The following MSTO1 variants were observed in gnomAD, a reference collection of about 807,000 sequenced individuals.
MSTO1 encodes the protein protein misato homolog 1.
Under a neutral mutation model 55.7 loss-of-function variants are expected in MSTO1, and 24 were observed. The ratio of observed to expected loss-of-function variants is 0.43; its 90% CI spans 0.31 to 0.61. MSTO1 has a LOEUF of 0.61. Among genes scored for constraint, MSTO1 ranks in the 20% least tolerant of loss-of-function variants. The probability of loss-of-function intolerance (pLI) is 0.09; values close to 1 mark genes in which losing one functional copy is unlikely to be tolerated. For missense variants in MSTO1, 363 were observed against 625.7 expected, an observed-to-expected ratio of 0.58 and a Z score of 4.48; for synonymous variants, 162 against 252.8, an observed-to-expected ratio of 0.64 and a Z score of 3.41.
At chr1:155,598,333 T>A in the MSTO1 span, among the ~76,000 whole-genome samples, 5 of 152,162 alleles carry the variant, frequency 3.3e-5, no homozygotes, top group East Asian at 9.6e-4. Context: ...CAGGCTGTTC[T>A]CGAACTTCTG....
chr1:155,578,190 A>G, the MSTO1 span, among the ~76,000 whole-genome samples: 1 of 151,986 alleles, frequency 6.6e-6, no homozygotes, highest in Non-Finnish European at 1.5e-5. Flanking sequence ...TGGAAATATA[A>G]TATCCTAAAT....
At chr1:155,599,956 T>C in the MSTO1 span, among the ~76,000 whole-genome samples, 33 of 152,372 alleles carry the variant, frequency 2.2e-4, 2 homozygotes, top group South Asian at 5.0e-3. Flanking sequence ...GTAGATGGAA[T>C]GTACAATCGG....
the MSTO1 span, among the ~76,000 whole-genome samples, chr1:155,585,522 C>CAAA: frequency 7.0e-5 from 4 of 56,886 alleles, no homozygotes; most frequent in Middle Eastern, 0.028. Context: ...GACTCCGTCT[C>CAAA]AAAAAAAAAA....
chr1:155,598,138 A>G, the MSTO1 span, among the ~76,000 whole-genome samples: 1 of 149,692 alleles, frequency 6.7e-6, no homozygotes, highest in African/African-American at 2.5e-5. Flanking sequence ...TTTTTTTTAG[A>G]TGGAATTTCA....
At chr1:155,602,934 G>A in the MSTO1 span, among the ~76,000 whole-genome samples, 1 of 152,006 alleles carries the variant, frequency 6.6e-6, no homozygotes, top group Non-Finnish European at 1.5e-5. Flanking sequence ...CTAGACCAGG[G>A]GCCTTCAACT....
chr1:155,603,975 C>T, the MSTO1 span, among the ~76,000 whole-genome samples: 3 of 151,998 alleles, frequency 2.0e-5, no homozygotes, highest in Non-Finnish European at 4.4e-5. Flanking sequence ...CTTTTTAACC[C>T]AGGAAGACAG....
the MSTO1 span, among the ~76,000 whole-genome samples, chr1:155,597,638 T>C: frequency 6.7e-6 from 1 of 149,552 alleles, no homozygotes; most frequent in Non-Finnish European, 1.5e-5. Flanking sequence ...GCCGCCTGAG[T>C]AGCTGGGATT....
At position 155,611,814 on chromosome 1, in the gene MSTO1, TA is replaced by T. The variant is rs1407673343; in HGVS notation, c.548del (p.Tyr183SerfsTer20). 1.5e-6 allele frequency: 1 copy of T among 657,342 alleles called. No homozygotes were observed. The highest frequency in any genetic ancestry group is 2.3e-5 in the African/African-American group (1 of 44,016). The allele number at this position is 657,342 out of a possible 1,614,324, so 40.7% of individuals were successfully genotyped here. A position where few individuals can be genotyped will look rare whatever the true frequency, so the allele number is the denominator to read the frequency against. On this transcript the variant is annotated frameshift_variant, in exon 6 of 14. Coordinates refer to ENST00000245564, the MANE Select transcript of MSTO1 (RefSeq NM_018116.4). LOFTEE classifies it high-confidence loss of function. Reference protein sequence around the residue: ...HPRSICMIQKYNHDGEAGRLE... With the variant: ...HPRSICMIQKXNHDGEAGRLE... ...CCGGAGCATCTGTATGATTCAGAAG[TA>T]CAACCACGATGGGTATGGGGACCCC...
chr1:155,596,845 G>A, the MSTO1 span, among the ~76,000 whole-genome samples: 1 of 152,014 alleles, frequency 6.6e-6, no homozygotes, highest in African/African-American at 2.4e-5. Context: ...GCTCATGCCT[G>A]CAATCCCAAC....
At chr1:155,567,382 G>A in the MSTO1 span, among the ~76,000 whole-genome samples, 11 of 145,612 alleles carry the variant, frequency 7.6e-5, no homozygotes, top group Non-Finnish European at 1.5e-4. Context: ...CGCGATCTCC[G>A]CTCACTGCAA....
At chr1:155,573,786 C>T in the MSTO1 span, among the ~76,000 whole-genome samples, 5 of 147,738 alleles carry the variant, frequency 3.4e-5, no homozygotes, top group East Asian at 2.0e-4. Context: ...TACAGTGAGC[C>T]GAGATCACGC....
chr1:155,608,721 C>G (rs957651532), upstream of MSTO1, among the ~76,000 whole-genome samples: 5 of 151,860 alleles, frequency 3.3e-5, no homozygotes, highest in African/African-American at 1.2e-4. Context: ...CCAGGATGGT[C>G]TCGATCTCCT....
At chr1:155,611,003 C>T (rs1673803753) in intron 2 of MSTO1, 36 bp from the exon 3 acceptor site, 3 of 536,524 alleles carry the variant, frequency 5.6e-6, no homozygotes, top group South Asian at 4.3e-5. Context: ...GGTGCCCAGG[C>T]TTTGACCTAA....
rs1674102493 is a variant in MSTO1 at position 155,611,697 on chromosome 1, C to T, written c.430C>T (p.Pro144Ser). The change falls in exon 6 of 14, where the codon CCA becomes TCA. Residue 144 changes from proline (P) to serine (S), a missense_variant. This residue lies in a region of MSTO1 where 94 missense variants were observed against 212.4 expected (regional missense o/e 0.44). Transcript: ENST00000245564. ...CCTCTGCTTGTCTTCAGGTTCCTCA[C>T]CACTCCCCACCGCTACAACTCCAAA... Reference protein sequence around the residue: ...KSIPNGKGSSPLPTATTPKPL... With the variant: ...KSIPNGKGSSSLPTATTPKPL... 1.0e-6 allele frequency: 1 copy of T among 987,370 alleles called. No individual in the cohort carries two copies. Among genetic ancestry groups the T allele is most frequent in the East Asian group, 2.6e-5 (1 of 38,158 alleles). The allele number at this position is 987,370 out of a possible 1,614,324, so 61.2% of individuals were successfully genotyped here.
the MSTO1 span, among the ~76,000 whole-genome samples, chr1:155,592,974 C>T: frequency 6.4e-4 from 98 of 152,120 alleles, no homozygotes; most frequent in Admixed American, 3.6e-3. Context: ...TGCAATGGCA[C>T]GATCTTGGCT....
At chr1:155,609,243 A>ATTTTTTTT (rs1185140621), upstream of MSTO1, among the ~76,000 whole-genome samples, 5 of 54,578 alleles carry the variant, frequency 9.2e-5, no homozygotes, top group African/African-American at 2.2e-4. Flanking sequence ...ATATATATAT[A>ATTTTTTTT]TTTTTTTTTT....
At chr1:155,602,950 T>A in the MSTO1 span, among the ~76,000 whole-genome samples, 2 of 152,168 alleles carry the variant, frequency 1.3e-5, no homozygotes, top group Non-Finnish European at 2.9e-5. Flanking sequence ...CAACTCTGGA[T>A]ATAAAGCAGA....
At chr1:155,588,499 C>G in the MSTO1 span, among the ~76,000 whole-genome samples, 1 of 152,004 alleles carries the variant, frequency 6.6e-6, no homozygotes, top group Non-Finnish European at 1.5e-5. Flanking sequence ...ATCCTTGTTT[C>G]ACAGATGGAG....
chr1:155,604,687 G>A, the MSTO1 span, among the ~76,000 whole-genome samples: 2 of 151,482 alleles, frequency 1.3e-5, no homozygotes, highest in Non-Finnish European at 2.9e-5. Flanking sequence ...GCCCGTCTGG[G>A]CAACATGGTG....
Sources: gnomAD v4.1 joint callset for allele counts (sites outside exome capture counted in the v4.1 genomes callset) on GRCh38, gnomAD v4.1.1 for gene constraint, gnomAD v4.1.1 regional missense constraint, MANE v1.5 for transcripts, NCBI Gene and HGNC (gene_info 2026-07-23, HGNC 2026-07-21) for gene names.